Variants in GNB1L observed in about 807,000 individuals in gnomAD.
GNB1L encodes the protein G protein subunit beta 1 like, also known as guanine nucleotide-binding protein subunit beta-like protein 1.
Under a neutral mutation model 29.1 loss-of-function variants are expected in GNB1L, and 20 were observed. The ratio of observed to expected loss-of-function variants is 0.69; its 90% CI spans 0.48 to 1.00. GNB1L has a LOEUF of 1.00. Ranked by LOEUF, GNB1L falls within the 50% of genes least tolerant of loss-of-function variation. The pLI is 0.00. For synonymous variants in GNB1L, 193 were observed against 206.5 expected (o/e 0.93, Z 0.56); for missense variants, 421 against 464.9 (o/e 0.91, Z 0.87).
chr22:19,853,394 T>G (rs1476446324), intron 2 of GNB1L, among the ~76,000 whole-genome samples: 1 of 152,094 alleles, frequency 6.6e-6, no homozygotes, highest in Non-Finnish European at 1.5e-5. Flanking sequence ...TCTATTCCAG[T>G]GCAAGGAGCC....
At chr22:19,822,730 G>T (rs1937589061) in intron 2 of GNB1L, among the ~76,000 whole-genome samples, 1 of 152,242 alleles carries the variant, frequency 6.6e-6, no homozygotes, top group African/African-American at 2.4e-5. Flanking sequence ...AAGGACCAGG[G>T]CAGGGGAGAT....
At chr22:19,794,746 G>A (rs1937287456) in intron 7 of GNB1L, among the ~76,000 whole-genome samples, 1 of 152,176 alleles carries the variant, frequency 6.6e-6, no homozygotes, top group East Asian at 1.9e-4. Flanking sequence ...TCATTGGGAG[G>A]CCGAGGCAGA....
At chr22:19,849,304 T>C in intron 2 of GNB1L, 1 of 980,452 alleles carries the variant, frequency 1.0e-6, no homozygotes, top group Non-Finnish European at 1.2e-6. Flanking sequence ...GAGCCTTTTC[T>C]AGTGATAGTT....
chr22:19,848,009 C>A (rs1395579567), intron 2 of GNB1L: 1 of 985,250 alleles, frequency 1.0e-6, no homozygotes, highest in African/African-American at 1.7e-5. Context: ...TACTAAATTT[C>A]CATATTTATT....
intron 2 of GNB1L, among the ~76,000 whole-genome samples, chr22:19,826,612 G>A (rs956642698): frequency 1.3e-5 from 2 of 152,184 alleles, no homozygotes; most frequent in Non-Finnish European, 2.9e-5. Context: ...GATCCAACTT[G>A]GTGAGAGGTG....
At chr22:19,824,618 T>G (rs533913032) in intron 2 of GNB1L, among the ~76,000 whole-genome samples, 7 of 152,300 alleles carry the variant, frequency 4.6e-5, no homozygotes, top group African/African-American at 2.4e-5. Context: ...CTGCCTGCAA[T>G]GCACCACCGC....
At chr22:19,835,372 G>A (rs1937745843) in intron 2 of GNB1L, among the ~76,000 whole-genome samples, 3 of 99,602 alleles carry the variant, frequency 3.0e-5, no homozygotes, top group African/African-American at 1.8e-4. Context: ...CCTTAAAAAT[G>A]TAAAAAAAAA....
chr22:19,841,462 C>T (rs988381951), intron 2 of GNB1L, among the ~76,000 whole-genome samples: 1 of 152,090 alleles, frequency 6.6e-6, no homozygotes, highest in African/African-American at 2.4e-5. Context: ...ACCCCCATCT[C>T]TACAAACAAA....
chr22:19,803,874 G>A (rs943049474), intron 6 of GNB1L, among the ~76,000 whole-genome samples: 6 of 152,208 alleles, frequency 3.9e-5, no homozygotes, highest in African/African-American at 1.2e-4. Context: ...CCTCCTCCCC[G>A]GCACTTTCCT....
intron 2 of GNB1L, among the ~76,000 whole-genome samples, chr22:19,827,103 G>A (rs982239870): frequency 6.6e-6 from 1 of 152,062 alleles, no homozygotes; most frequent in African/African-American, 2.4e-5. Context: ...GATCTTTGTG[G>A]GTAATCTGAA....
Position 19,831,363 on chromosome 22 carries a change from TA to T in GNB1L, c.-20-9989del, listed in dbSNP as rs750705463. Among the ~76,000 whole-genome samples, 388 of 119,508 alleles carry T rather than the reference TA, an allele frequency of 3.2e-3. 1 individual carries two copies. Among genetic ancestry groups the T allele is most frequent in the African/African-American group, 7.6e-3 (251 of 32,890 alleles). 78.4% of individuals were successfully genotyped at this position (119,508 alleles called of 152,430 possible). A position where few individuals can be genotyped will look rare whatever the true frequency, so the allele number is the denominator to read the frequency against. Reference sequence around the variant, plus strand: ...CTGGGTGAGAAAGTAAGACTCTATCTAAAAAAAAAAAAAAACAATAAAATAA... The same window carrying T: ...CTGGGTGAGAAAGTAAGACTCTATCTAAAAAAAAAAAAAACAATAAAATAA... On this transcript the variant is annotated intron_variant, in intron 2 of 7. Coordinates refer to ENST00000329517, the MANE Select transcript of GNB1L (RefSeq NM_053004.3).
At chr22:19,832,994 C>T (rs1016025453) in intron 2 of GNB1L, among the ~76,000 whole-genome samples, 2 of 152,202 alleles carry the variant, frequency 1.3e-5, no homozygotes, top group African/African-American at 4.8e-5. Context: ...AAAACCACAG[C>T]CCACGGAGGG....
chr22:19,853,323 G>A (rs932774828), intron 2 of GNB1L, among the ~76,000 whole-genome samples: 2 of 152,136 alleles, frequency 1.3e-5, no homozygotes, highest in African/African-American at 4.8e-5. Context: ...TCTGATGGCT[G>A]GACCCGCCCC....
intron 7 of GNB1L, among the ~76,000 whole-genome samples, chr22:19,801,462 C>T (rs539913457): frequency 4.6e-5 from 7 of 152,134 alleles, no homozygotes; most frequent in Non-Finnish European, 7.4e-5. Flanking sequence ...AGGGACACCA[C>T]GGTGCCCCTC....
chr22:19,783,658 C>A lies in GNB1L; in HGVS notation c.*5051G>T. 6.2e-6 allele frequency: 1 copy of A among 161,140 alleles called. No individual in the cohort carries two copies. Among genetic ancestry groups the A allele is most frequent in the Non-Finnish European group, 1.4e-5 (1 of 73,320 alleles). 10.0% of individuals were successfully genotyped at this position (161,140 alleles called of 1,614,324 possible). ...TTAGCACACCCTGTGGCCGTTGTCC[C>A]CATCGTCCGTGGCTTCATCCCTCAA... On this transcript the variant is annotated 3_prime_UTR_variant, in exon 8 of 8. Coordinates refer to ENST00000329517, the MANE Select transcript of GNB1L (RefSeq NM_053004.3).
rs766455200 is a variant in GNB1L, at chr22:19,806,647, G to C, written c.516+12C>G. ...GGCCGGCAGGGCGTGGCTGGTGCAC[G>C]CGGGGCCTTACCTGCCACAGCCGCA... On this transcript the variant is annotated intron_variant, in intron 6 of 7. Transcript: ENST00000329517. 1.4e-5 allele frequency: 22 copies of C among 1,574,438 alleles called. 1 individual carries two copies. The Admixed American group carries it at 3.7e-4, about 26-fold the overall frequency.
In GNB1L at chr22:19,791,158, A is replaced by G. The variant is rs532274620; in HGVS notation, c.733-2198T>C. On this transcript the variant is annotated intron_variant, in intron 7 of 7. Coordinates refer to ENST00000329517, the MANE Select transcript of GNB1L (RefSeq NM_053004.3). ...TGAGGTGGAAGGATTGCTTAAGCCCAGGAGTTTGAGGCTGCAGTGAGCTGT... is the reference window on the plus strand; with the variant it reads ...TGAGGTGGAAGGATTGCTTAAGCCCGGGAGTTTGAGGCTGCAGTGAGCTGT... Among the ~76,000 whole-genome samples, 10 of 152,262 alleles carry G rather than the reference A, an allele frequency of 6.6e-5. No individual in the cohort carries two copies. In the South Asian group the frequency reaches 2.1e-3, roughly 32 times the overall value.
chr22:19,850,626 C>A, intron 2 of GNB1L: 1 of 1,220,504 alleles, frequency 8.2e-7, no homozygotes, highest in Non-Finnish European at 1.0e-6. Context: ...ACTCATCCCC[C>A]AGAATCAAAG....
chr22:19,851,624 C>T (rs779893435), intron 2 of GNB1L: 7 of 1,594,652 alleles, frequency 4.4e-6, no homozygotes, highest in African/African-American at 4.0e-5. Context: ...TAAGTATTGC[C>T]TCACCACAGG....
Sources: gnomAD v4.1 joint callset for allele counts (sites outside exome capture counted in the v4.1 genomes callset) on GRCh38, gnomAD v4.1.1 for gene constraint, MANE v1.5 for transcripts, NCBI Gene and HGNC (gene_info 2026-07-23, HGNC 2026-07-21) for gene names.